The following MTUS1 variants were observed in gnomAD, a reference collection of about 807,000 sequenced individuals.
MTUS1 encodes microtubule-associated tumor suppressor 1.
In MTUS1, 109 loss-of-function variants were observed where a neutral mutation model predicts 120.8. The observed-to-expected ratio is 0.90, with a 90% confidence interval of 0.77 to 1.06. MTUS1 has a LOEUF of 1.06. Among genes scored for constraint, MTUS1 ranks in the 50% least tolerant of loss-of-function variants. The pLI is 0.00. For synonymous variants in MTUS1, 737 were observed against 550.5 expected (o/e 1.34, Z -4.74); for missense variants, 2,210 against 1,486.3 (o/e 1.49, Z -8.01).
At chr8:17,744,689 CTTTTTT>C (rs58283163) in intron 2 of MTUS1, among the ~76,000 whole-genome samples, 2 of 99,024 alleles carry the variant, frequency 2.0e-5, no homozygotes, top group South Asian at 3.5e-4. Context: ...ACCATGTTTT[CTTTTTT>C]TTTTTTTTTT....
At chr8:17,724,546 C>G (rs776462480) in intron 3 of MTUS1, among the ~76,000 whole-genome samples, 11 of 152,030 alleles carry the variant, frequency 7.2e-5, no homozygotes. Context: ...ATTTGCCAAA[C>G]TTAAATGATC....
chr8:17,685,229 AG>A (rs1298551339), intron 6 of MTUS1, among the ~76,000 whole-genome samples: 1 of 152,082 alleles, frequency 6.6e-6, no homozygotes, highest in Non-Finnish European at 1.5e-5. Context: ...TTTTTTTTAA[AG>A]CACATGCTAA....
chr8:17,770,206 G>C (rs117916144), intron 1 of MTUS1, among the ~76,000 whole-genome samples: 3 of 152,208 alleles, frequency 2.0e-5, no homozygotes, highest in Non-Finnish European at 4.4e-5. Flanking sequence ...AAGTACATAA[G>C]GGGATACTCA....
intron 7 of MTUS1, among the ~76,000 whole-genome samples, chr8:17,681,835 A>G (rs1220906577): frequency 6.9e-6 from 1 of 145,068 alleles, no homozygotes; most frequent in Non-Finnish European, 1.5e-5. Flanking sequence ...ATTTCCTAGT[A>G]GCCACGCTGA....
intron 3 of MTUS1, among the ~76,000 whole-genome samples, chr8:17,730,513 G>C (rs932205607): frequency 2.1e-5 from 3 of 143,320 alleles, no homozygotes; most frequent in African/African-American, 7.7e-5. Flanking sequence ...AAAAGTGAAA[G>C]ACTTGAGCAG....
intron 1 of MTUS1, among the ~76,000 whole-genome samples, chr8:17,765,212 G>C (rs1231058308): frequency 6.6e-6 from 1 of 152,184 alleles, no homozygotes; most frequent in African/African-American, 2.4e-5. Flanking sequence ...CAAGCGATGG[G>C]GAGTGGCTGT....
At chr8:17,686,802 A>G (rs894880884) in intron 6 of MTUS1, among the ~76,000 whole-genome samples, 3 of 152,210 alleles carry the variant, frequency 2.0e-5, no homozygotes, top group Admixed American at 6.5e-5. Context: ...AACAATGTTT[A>G]CTTTTGAAGG....
chr8:17,755,596 G>A lies in MTUS1; in HGVS notation c.212C>T (p.Ser71Phe), dbSNP rs755053587. 2.5e-6 allele frequency: 4 copies of A among 1,614,114 alleles called. No individual in the cohort carries two copies. Among genetic ancestry groups the A allele is most frequent in the Non-Finnish European group, 3.4e-6 (4 of 1,180,020 alleles). ...DPAVVTGENI[S>F]LSLQGVEVFG... ...TACTTCAACACCCTGAAGGCTTAAA[G>A]AAATATTTTCACCAGTAACTACAGC... The change falls in exon 2 of 15, where the codon TCT becomes TTT. Residue 71 changes from serine (S) to phenylalanine (F), a missense_variant. Transcript: ENST00000693296.
At chr8:17,795,526 T>C (rs1185290622) in intron 1 of MTUS1, among the ~76,000 whole-genome samples, 1 of 152,254 alleles carries the variant, frequency 6.6e-6, no homozygotes, top group African/African-American at 2.4e-5. Context: ...TAGTCTGTTC[T>C]TCCCTTTAGA....
At chr8:17,798,152 A>T (rs1438990220) in intron 1 of MTUS1, among the ~76,000 whole-genome samples, 1 of 152,308 alleles carries the variant, frequency 6.6e-6, no homozygotes, top group East Asian at 1.9e-4. Flanking sequence ...AACAGATCTG[A>T]AAAACATTCA....
chr8:17,779,184 T>G (rs73569238), intron 1 of MTUS1, among the ~76,000 whole-genome samples: 2 of 152,202 alleles, frequency 1.3e-5, no homozygotes, highest in Admixed American at 6.5e-5. Context: ...ATTACAGCAG[T>G]AGTTAACAGC....
intron 4 of MTUS1, among the ~76,000 whole-genome samples, chr8:17,719,271 A>G (rs1438562322): frequency 2.6e-5 from 4 of 152,224 alleles, no homozygotes; most frequent in African/African-American, 9.6e-5. Flanking sequence ...TTATTACATT[A>G]TGTATATACA....
chr8:17,777,127 A>G (rs549308711), intron 1 of MTUS1, among the ~76,000 whole-genome samples: 1 of 152,208 alleles, frequency 6.6e-6, no homozygotes, highest in East Asian at 1.9e-4. Context: ...TCCCACCCCC[A>G]GCATTTGGAT....
intron 4 of MTUS1, chr8:17,721,996 A>G (rs796651254): frequency 5.9e-4 from 128 of 215,992 alleles, no homozygotes; most frequent in African/African-American, 2.0e-3. Context: ...GAATGGAGGG[A>G]AAAAAAAAAA....
chr8:17,652,706 C>T (rs1290956978), intron 12 of MTUS1, among the ~76,000 whole-genome samples: 1 of 151,814 alleles, frequency 6.6e-6, no homozygotes, highest in Non-Finnish European at 1.5e-5. Flanking sequence ...CATGGTGATG[C>T]GTGCCTGTAA....
chr8:17,706,357 A>G (rs1820153718), intron 6 of MTUS1, among the ~76,000 whole-genome samples: 1 of 152,186 alleles, frequency 6.6e-6, no homozygotes, highest in South Asian at 2.1e-4. Context: ...GGACACAAAT[A>G]GAAAGCAGCA....
intron 6 of MTUS1, chr8:17,708,660 G>C (rs1585851672): frequency 6.6e-6 from 1 of 152,164 alleles, no homozygotes; most frequent in East Asian, 1.9e-4. Flanking sequence ...CCAGATATTA[G>C]GATGTACCAG....
At chr8:17,787,030 T>A (rs2051358131) in intron 1 of MTUS1, among the ~76,000 whole-genome samples, 2 of 152,212 alleles carry the variant, frequency 1.3e-5, no homozygotes, top group Admixed American at 1.3e-4. Context: ...CTGACCTCAT[T>A]GCTGAAAAGC....
rs2047644824 is a variant in MTUS1 at position 17,745,119 on chromosome 8, CA to C, written c.2092-1321del. Among the ~76,000 whole-genome samples the C allele has an allele frequency of 2.6e-5, 4 of 152,234 alleles. No homozygotes were observed. In the South Asian group the frequency reaches 8.3e-4, roughly 32 times the overall value. On this transcript the variant is annotated intron_variant, in intron 2 of 14. Transcript: ENST00000693296. The stretch of plus-strand genomic sequence containing the variant: ...TTTAGAGTTTGGCTTTTTTCATTAA[CA>C]AAATTTTAATCCAGATCATACCTTC...
Sources: allele counts gnomAD v4.1 joint callset (sites outside exome capture counted in the v4.1 genomes callset), GRCh38; gene constraint gnomAD v4.1.1; transcripts MANE v1.5; gene names NCBI Gene and HGNC (gene_info 2026-07-23, HGNC 2026-07-21).